The following SPG11 variants were observed in gnomAD, a reference collection of about 807,000 sequenced individuals.
SPG11 encodes the protein spatacsin.
A neutral mutation model predicts 274.0 loss-of-function variants in SPG11; 222 were observed. That is an observed-to-expected ratio of 0.81 (90% CI 0.73 to 0.91). The LOEUF is 0.91. Among genes scored for constraint, SPG11 ranks in the 40% least tolerant of loss-of-function variants. The pLI, the probability that SPG11 is intolerant of heterozygous loss-of-function variation, is 0.00. For missense variants in SPG11, 3,114 were observed against 2,872.7 expected (o/e 1.08, Z -1.92); for synonymous variants, 1,144 against 1,039.7 (o/e 1.10, Z -1.93).
intron 20 of SPG11, among the ~76,000 whole-genome samples, chr15:44,605,047 CT>C (rs1469725278): frequency 1.3e-5 from 2 of 150,656 alleles, no homozygotes; most frequent in Non-Finnish European, 2.9e-5. Context: ...AGGGAACATG[CT>C]TTCAACTTCT....
chr15:44,564,922 A>AAGAC (rs1320008140), intron 38 of SPG11, among the ~76,000 whole-genome samples: 1 of 152,112 alleles, frequency 6.6e-6, no homozygotes, highest in African/African-American at 2.4e-5. Flanking sequence ...TTTTTTAAAA[A>AAGAC]AGACAGGGTC....
intron 33 of SPG11, 155 bp downstream of exon 33, chr15:44,572,528 G>A (rs928950881): frequency 2.8e-6 from 2 of 711,596 alleles, no homozygotes; most frequent in Non-Finnish European, 4.8e-6. Flanking sequence ...TTTCTTCAGT[G>A]AAGTTAAGGC....
At chr15:44,654,464 C>A (rs2084878104) in intron 4 of SPG11, among the ~76,000 whole-genome samples, 1 of 151,970 alleles carries the variant, frequency 6.6e-6, no homozygotes, top group South Asian at 2.1e-4. Flanking sequence ...GCCGAGACTG[C>A]ACCACTGCAC....
At chr15:44,566,167 A>G in intron 37 of SPG11, 50 bp downstream of exon 37, 3 of 1,606,216 alleles carry the variant, frequency 1.9e-6, no homozygotes, top group Middle Eastern at 1.7e-4. Flanking sequence ...AAATAATTTT[A>G]CTGCAGACAG....
At chr15:44,574,616 C>T (rs866412896) in intron 31 of SPG11, among the ~76,000 whole-genome samples, 1 of 152,124 alleles carries the variant, frequency 6.6e-6, no homozygotes, top group Non-Finnish European at 1.5e-5. Context: ...CTAGAAGAGA[C>T]CCTCATGGTC....
chr15:44,589,299 C>T lies in SPG11; in HGVS notation c.4859G>A (p.Gly1620Glu), dbSNP rs2082843155. 1.2e-6 allele frequency: 2 copies of T among 1,613,996 alleles called. No individual in the cohort carries two copies. The highest frequency in any genetic ancestry group is 1.1e-5 in the South Asian group (1 of 91,084). Residue 1620 changes from glycine (G) to glutamate (E), a missense_variant, in exon 28 of 40, where the codon GGG becomes GAG. Gly to Glu is a moderately conservative substitution (Grantham distance 98). Coordinates refer to ENST00000261866, the MANE Select transcript of SPG11 (RefSeq NM_025137.4). Reference protein sequence around the residue: ...LQQCKTQYELGKLLQLFVERE... With the variant: ...LQQCKTQYELEKLLQLFVERE... ...TTCAACAAAGAGCTGTAAAAGCTTC[C>T]CCAGCTCATACTGGGTCTTACACTG... is the stretch of plus-strand genomic sequence containing the variant.
chr15:44,589,357 G>C lies in SPG11; in HGVS notation c.4801C>G (p.Gln1601Glu), dbSNP rs764442362. ...ATAAGCTTCAAAAGGAAACACACCT[G>C]ATCCTCCAGCCACATGGCAGGGATG... ...PVIPAMWLED[Q>E]VCFLLKLMLQ... is the part of the protein sequence containing the mutation. The change falls in exon 28 of 40, where the codon CAG becomes GAG. Residue 1601 changes from glutamine to glutamate, a missense_variant. By Grantham distance (29) the Gln-to-Glu change is conservative. Coordinates refer to ENST00000261866, the MANE Select transcript of SPG11 (RefSeq NM_025137.4). 1.7e-5 allele frequency: 27 copies of C among 1,614,004 alleles called. No individual in the cohort carries two copies. The highest frequency in any genetic ancestry group is 2.2e-5 in the Non-Finnish European group (26 of 1,179,990).
Position 44,632,462 on chromosome 15 carries a change from C to T in SPG11, c.1735+1043G>A, listed in dbSNP as rs542526343. Among the ~76,000 whole-genome samples, 113 of 151,464 alleles carry T rather than the reference C, an allele frequency of 7.5e-4. 3 individuals are homozygous for T. The South Asian group carries it at 0.023, about 31-fold the overall frequency. ...GCTTCCTATTTATTAAAAAGGAAAG[C>T]CAAAATCTTGAAAAGTGTTGGTAAT... On this transcript the variant is annotated intron_variant, in intron 8 of 39. Transcript: ENST00000261866.
At chr15:44,632,200 T>A (rs75844276) in intron 8 of SPG11, among the ~76,000 whole-genome samples, 4,819 of 152,164 alleles carry the variant, frequency 0.032, 277 homozygotes, top group African/African-American at 0.11. Context: ...GATTATTGGC[T>A]CTCTCCTAAT....
intron 1 of SPG11, among the ~76,000 whole-genome samples, chr15:44,662,504 CA>C (rs1460239457): frequency 6.6e-6 from 1 of 151,914 alleles, no homozygotes; most frequent in African/African-American, 2.4e-5. Flanking sequence ...CTCATCTCTA[CA>C]AAAACTAGAA....
At chr15:44,644,643 T>G (rs1021021140) in intron 7 of SPG11, among the ~76,000 whole-genome samples, 4 of 152,180 alleles carry the variant, frequency 2.6e-5, no homozygotes, top group African/African-American at 9.7e-5. Context: ...TATCTCTGTT[T>G]GCAGCTGACA....
Position 44,601,202 on chromosome 15 carries a change from C to T in SPG11, c.3521-570G>A, listed in dbSNP as rs183487352. Among the ~76,000 whole-genome samples, 448 of 151,574 alleles carry T rather than the reference C, an allele frequency of 3.0e-3. 3 individuals are homozygous for T. Among genetic ancestry groups the T allele is most frequent in the Non-Finnish European group, 5.2e-3 (353 of 67,998 alleles). On this transcript the variant is annotated intron_variant, in intron 20 of 39. Transcript: ENST00000261866. ...TTCCTGGTCTTGACACCACTAGCTG[C>T]GTGACCTTGAGCAACTTATTTAAGA...
At chr15:44,642,462 A>G (rs1007146756) in intron 7 of SPG11, among the ~76,000 whole-genome samples, 1 of 151,442 alleles carries the variant, frequency 6.6e-6, no homozygotes, top group African/African-American at 2.4e-5. Context: ...ACACATACAC[A>G]GTGGTTCCAT....
chr15:44,613,406 G>A, intron 17 of SPG11, 24 bp downstream of exon 17: 1 of 1,476,864 alleles, frequency 6.8e-7, no homozygotes, highest in Non-Finnish European at 9.5e-7. Flanking sequence ...GCAAGTTTCT[G>A]TGTTTAATAC....
Position 44,600,437 on chromosome 15 carries a change from C to T in SPG11, c.3686+30G>A, listed in dbSNP as rs373668971. 4 of 1,612,664 alleles carry T rather than the reference C, an allele frequency of 2.5e-6. No individual in the cohort carries two copies. In the African/African-American group the frequency reaches 5.3e-5, roughly 22 times the overall value. On this transcript the variant is annotated intron_variant, in intron 21 of 39. Transcript: ENST00000261866. ...GGGATTACAGGTGTGAACCACTGTA[C>T]CCAGACAAAATTATATTTTAAATAC...
Position 44,584,191 on chromosome 15 carries a change from C to G in SPG11, c.5489G>C (p.Gly1830Ala), listed in dbSNP as rs529748787. 11 of 1,614,230 alleles carry G rather than the reference C, an allele frequency of 6.8e-6. No individual in the cohort carries two copies. In the East Asian group the frequency reaches 2.2e-4, roughly 33 times the overall value. Residue 1830 changes from glycine to alanine, a missense_variant, in exon 30 of 40, where the codon GGT (glycine) becomes GCT (alanine). By Grantham distance (60) the Gly-to-Ala change is moderately conservative (BLOSUM62 0). Coordinates refer to ENST00000261866, the MANE Select transcript of SPG11 (RefSeq NM_025137.4). ...GGCTAAACTATCAAAGGAAAGTTCACCACTAGTTGAGATCTGTCGAGAAAA... is the reference window on the plus strand; with the variant it reads ...GGCTAAACTATCAAAGGAAAGTTCAGCACTAGTTGAGATCTGTCGAGAAAA... ...PRFSRQISTS[G>A]ELSFDSLASE...
intron 8 of SPG11, 68 bp from the exon 9 acceptor site, chr15:44,629,456 A>T (rs545202134): frequency 2.0e-6 from 3 of 1,475,092 alleles, no homozygotes; most frequent in Non-Finnish European, 2.8e-6. Context: ...AACATATCAA[A>T]AATATCATGT....
Position 44,652,220 on chromosome 15 carries a change from G to C in SPG11, c.916C>G (p.Pro306Ala), listed in dbSNP as rs776413713. Residue 306 changes from proline to alanine, a missense_variant, in exon 5 of 40, where the codon CCT becomes GCT. By Grantham distance (27) the Pro-to-Ala change is conservative. Transcript: ENST00000261866. ...LLCERILEDL[P>A]IQGPKGVDED... ...TCTACGCCCTTAGGTCCTTGAATAG[G>C]AAGATCTTCTAGTATTCTTTCACAC... The C allele has an allele frequency of 6.2e-7, 1 of 1,613,930 alleles. No homozygotes were observed. Among genetic ancestry groups the C allele is most frequent in the Non-Finnish European group, 8.5e-7 (1 of 1,179,988 alleles).
In SPG11 at chr15:44,563,244, T is replaced by TGTGA; in HGVS notation, c.7205_7208dup (p.Tyr2404HisfsTer4). ...AATACAGGTAAACATCTTCACAATA[T>TGTGA]GTGAGTAATTTCTTCAGGTTTTCCA... On this transcript the variant is annotated frameshift_variant, in exon 40 of 40. Transcript: ENST00000261866. LOFTEE classifies it high-confidence loss of function. The TGTGA allele has an allele frequency of 1.9e-6, 3 of 1,614,092 alleles. No individual in the cohort carries two copies. Among genetic ancestry groups the TGTGA allele is most frequent in the Non-Finnish European group, 2.5e-6 (3 of 1,179,924 alleles).
Sources: allele counts gnomAD v4.1 joint callset (sites outside exome capture counted in the v4.1 genomes callset), GRCh38; gene constraint gnomAD v4.1.1; transcripts MANE v1.5; gene names NCBI Gene and HGNC (gene_info 2026-07-23, HGNC 2026-07-21).